DOCK3: variants seen among roughly 807,000 people sequenced by gnomAD.
The protein encoded by DOCK3 is dedicator of cytokinesis 3.
Under a neutral mutation model 265.6 loss-of-function variants are expected in DOCK3, and 60 were observed. That is an observed-to-expected ratio of 0.23 (90% CI 0.18 to 0.28). The LOEUF (loss-of-function observed/expected upper bound fraction) is 0.28. DOCK3 is among the 10% of genes least tolerant of loss of function. DOCK3 has a pLI of 1.00. For missense variants in DOCK3, 1,981 were observed against 2,594.3 expected, an observed-to-expected ratio of 0.76 and a Z score of 5.14; for synonymous variants, 881 against 938.0, an observed-to-expected ratio of 0.94 and a Z score of 1.11.
intron 5 of DOCK3, among the ~76,000 whole-genome samples, chr3:51,023,138 TA>T (rs771565658): frequency 9.9e-5 from 15 of 152,198 alleles, no homozygotes; most frequent in Non-Finnish European, 2.1e-4. Flanking sequence ...TTCCCTCAAA[TA>T]AGTTTTCCAG....
chr3:50,888,522 T>C (rs1160720057), intron 3 of DOCK3, among the ~76,000 whole-genome samples: 3 of 152,136 alleles, frequency 2.0e-5, no homozygotes, highest in Admixed American at 2.0e-4. Flanking sequence ...TTAAAGTTCA[T>C]ATGGAACCAA....
chr3:51,290,161 T>G (rs1398715076), intron 27 of DOCK3, among the ~76,000 whole-genome samples: 2 of 152,150 alleles, frequency 1.3e-5, no homozygotes, highest in Non-Finnish European at 2.9e-5. Flanking sequence ...GAAATACCAT[T>G]TGACGCAGCC....
At chr3:50,901,564 C>T (rs1575484468) in intron 4 of DOCK3, 1 of 450,058 alleles carries the variant, frequency 2.2e-6, no homozygotes, top group East Asian at 7.0e-5. Context: ...CAAATGGTCA[C>T]CTAGTTTTGT....
rs549708382 is a variant in DOCK3 at position 50,809,876 on chromosome 3, T to C, written c.121+31118T>C. 2.6e-5 allele frequency among the ~76,000 whole-genome samples: 4 copies of C among 152,290 alleles called. No individual in the cohort carries two copies. In the South Asian group the frequency reaches 6.2e-4, roughly 24 times the overall value. ...GTGATATTTGTCAGAGTAGTGGTTA[T>C]TGGCTGGGATCTCAGCACTTTGGGA... On this transcript the variant is annotated intron_variant, in intron 2 of 52. Transcript: ENST00000266037.
chr3:50,735,894 C>G (rs1400272695), intron 1 of DOCK3, among the ~76,000 whole-genome samples: 2 of 152,068 alleles, frequency 1.3e-5, no homozygotes, highest in African/African-American at 4.8e-5. Flanking sequence ...ATAGCAGGAG[C>G]AGGCATCTTT....
At chr3:51,280,293 A>G in intron 27 of DOCK3, 89 bp downstream of exon 27, 3 of 1,223,096 alleles carry the variant, frequency 2.5e-6, no homozygotes, top group Non-Finnish European at 3.5e-6. Context: ...GATGAATGCA[A>G]GTGACTAGCA....
chr3:50,900,404 G>A (rs971665105), intron 4 of DOCK3, among the ~76,000 whole-genome samples: 2 of 151,924 alleles, frequency 1.3e-5, no homozygotes, highest in African/African-American at 4.8e-5. Context: ...TCTTAGCTTC[G>A]TTGCATTGGG....
chr3:50,907,576 C>T (rs563192007), intron 4 of DOCK3, among the ~76,000 whole-genome samples: 1 of 151,942 alleles, frequency 6.6e-6, no homozygotes, highest in East Asian at 1.9e-4. Flanking sequence ...GGATTGCAAC[C>T]CCTGCCTTTT....
At chr3:51,304,264 A>G (rs1457580265) in intron 27 of DOCK3, among the ~76,000 whole-genome samples, 4 of 151,992 alleles carry the variant, frequency 2.6e-5, no homozygotes, top group Admixed American at 2.6e-4. Flanking sequence ...CAGGGGAAAA[A>G]CTGAAGACTG....
At chr3:51,196,517 G>T (rs1430894754) in intron 12 of DOCK3, among the ~76,000 whole-genome samples, 1 of 152,056 alleles carries the variant, frequency 6.6e-6, no homozygotes, top group East Asian at 1.9e-4. Flanking sequence ...TTGTCTCTTT[G>T]AACTTGTGGA....
intron 1 of DOCK3, among the ~76,000 whole-genome samples, chr3:50,738,015 C>T (rs11712367): frequency 0.77 from 116,717 of 152,134 alleles, 45,728 homozygotes; most frequent in Middle Eastern, 0.88. Context: ...ATAGGCACCT[C>T]TTTCAGTCTT....
chr3:51,210,484 A>T (rs1336922859), intron 13 of DOCK3, among the ~76,000 whole-genome samples: 3 of 152,052 alleles, frequency 2.0e-5, no homozygotes, highest in African/African-American at 7.2e-5. Flanking sequence ...ACCTGTTTCA[A>T]CCCCCTCGTT....
intron 1 of DOCK3, among the ~76,000 whole-genome samples, chr3:50,708,457 G>T (rs2036553116): frequency 6.6e-6 from 1 of 152,194 alleles, no homozygotes; most frequent in Non-Finnish European, 1.5e-5. Context: ...AGGTGGACAT[G>T]GGAAGATGTC....
intron 3 of DOCK3, among the ~76,000 whole-genome samples, chr3:50,882,926 A>G (rs1203063207): frequency 6.6e-6 from 1 of 152,250 alleles, no homozygotes; most frequent in African/African-American, 2.4e-5. Flanking sequence ...ACCATGGAAT[A>G]CTATGCAGCC....
intron 3 of DOCK3, among the ~76,000 whole-genome samples, chr3:50,843,961 A>G (rs1031581460): frequency 7.9e-5 from 12 of 152,212 alleles, no homozygotes; most frequent in Admixed American, 2.6e-4. Flanking sequence ...GCGTTTCTAT[A>G]TATCCTTTAT....
At chr3:50,917,649 G>A (rs1284713367) in intron 4 of DOCK3, among the ~76,000 whole-genome samples, 1 of 151,898 alleles carries the variant, frequency 6.6e-6, no homozygotes, top group East Asian at 1.9e-4. Flanking sequence ...TAAAGAACCA[G>A]TGTTTTTATT....
intron 3 of DOCK3, among the ~76,000 whole-genome samples, chr3:50,850,062 G>T (rs924138861): frequency 1.3e-5 from 2 of 151,460 alleles, no homozygotes; most frequent in Admixed American, 6.6e-5. Flanking sequence ...TATCTCTTCC[G>T]TCATTGCTTG....
At chr3:51,256,230 G>C (rs186882817) in intron 22 of DOCK3, among the ~76,000 whole-genome samples, 1 of 152,310 alleles carries the variant, frequency 6.6e-6, no homozygotes, top group Admixed American at 6.5e-5. Flanking sequence ...GGGAGCTGTA[G>C]ACTGGAGCTG....
chr3:51,033,809 G>A (rs1407945139), intron 5 of DOCK3, among the ~76,000 whole-genome samples: 3 of 152,030 alleles, frequency 2.0e-5, no homozygotes, highest in Non-Finnish European at 4.4e-5. Context: ...CTTCAACAAC[G>A]CCTCATCCCT....
Sources: allele counts gnomAD v4.1 joint callset (sites outside exome capture counted in the v4.1 genomes callset), GRCh38; gene constraint gnomAD v4.1.1; transcripts MANE v1.5; gene names NCBI Gene and HGNC (gene_info 2026-07-23, HGNC 2026-07-21).